The following SCRG1 variants were observed in gnomAD, a reference collection of about 807,000 sequenced individuals.
SCRG1 encodes the protein stimulator of chondrogenesis 1, also known as scrapie-responsive protein 1.
A neutral mutation model predicts 7.7 loss-of-function variants in SCRG1; 3 were observed. The observed-to-expected ratio is 0.39, with a 90% CI of 0.18 to 1.01. The LOEUF (loss-of-function observed/expected upper bound fraction) is 1.01, where lower values mean the gene tolerates loss of function less well. Among genes scored for constraint, SCRG1 ranks in the 50% least tolerant of loss-of-function variants. The pLI is 0.36. For synonymous variants in SCRG1, 46 were observed against 41.2 expected, an observed-to-expected ratio of 1.12 and a Z score of -0.44; for missense variants, 110 against 117.2, an observed-to-expected ratio of 0.94 and a Z score of 0.28.
chr4:173,496,706 T>C, the SCRG1 span, among the ~76,000 whole-genome samples: 1 of 152,232 alleles, frequency 6.6e-6, no homozygotes, highest in South Asian at 2.1e-4. Flanking sequence ...TAGATAATCT[T>C]ATTTAATCCT....
At chr4:173,473,682 A>ACC in the SCRG1 span, among the ~76,000 whole-genome samples, 1 of 152,130 alleles carries the variant, frequency 6.6e-6, no homozygotes, top group African/African-American at 2.4e-5. Context: ...AAATATGCAG[A>ACC]TCTGGCTAGG....
At chr4:173,432,943 C>T in the SCRG1 span, among the ~76,000 whole-genome samples, 1 of 152,148 alleles carries the variant, frequency 6.6e-6, no homozygotes, top group Non-Finnish European at 1.5e-5. Flanking sequence ...CTGAGGATTA[C>T]ATGAGGAATT....
the SCRG1 span, among the ~76,000 whole-genome samples, chr4:173,416,698 G>A: frequency 6.6e-6 from 1 of 152,148 alleles, no homozygotes; most frequent in African/African-American, 2.4e-5. Flanking sequence ...AGCGTCTGGG[G>A]CTATCCCCCG....
chr4:173,459,088 C>T, the SCRG1 span, among the ~76,000 whole-genome samples: 2 of 152,164 alleles, frequency 1.3e-5, no homozygotes. Context: ...TAAATATGCA[C>T]CCAACACAGG....
the SCRG1 span, among the ~76,000 whole-genome samples, chr4:173,492,528 G>A: frequency 2.6e-5 from 4 of 152,114 alleles, no homozygotes; most frequent in African/African-American, 4.8e-5. Context: ...TGTCAGTCAC[G>A]GTTCAATACA....
the SCRG1 span, among the ~76,000 whole-genome samples, chr4:173,518,920 C>T: frequency 2.0e-5 from 3 of 151,566 alleles, no homozygotes; most frequent in African/African-American, 4.8e-5. Context: ...CGGTCCACCC[C>T]GGCTTCCCGA....
the SCRG1 span, among the ~76,000 whole-genome samples, chr4:173,495,470 A>G: frequency 2.6e-5 from 4 of 152,364 alleles, no homozygotes; most frequent in South Asian, 8.3e-4. Flanking sequence ...ACAGATGCAC[A>G]GATGCATATA....
At chr4:173,449,745 T>G in the SCRG1 span, among the ~76,000 whole-genome samples, 3 of 152,230 alleles carry the variant, frequency 2.0e-5, no homozygotes, top group Non-Finnish European at 4.4e-5. Flanking sequence ...TCTCAATAGC[T>G]TCATTCACTG....
chr4:173,408,626 AG>A (rs1560837170), upstream of SCRG1, among the ~76,000 whole-genome samples: 2 of 152,212 alleles, frequency 1.3e-5, no homozygotes, highest in Non-Finnish European at 2.9e-5. Context: ...CTGAGAATGA[AG>A]GGTTTAAGAA....
the SCRG1 span, among the ~76,000 whole-genome samples, chr4:173,462,313 A>C: frequency 6.6e-6 from 1 of 151,964 alleles, no homozygotes; most frequent in East Asian, 1.9e-4. Context: ...CAGCAAAAGA[A>C]AAGAAACAAA....
chr4:173,511,337 TG>T, the SCRG1 span, among the ~76,000 whole-genome samples: 33 of 152,170 alleles, frequency 2.2e-4, no homozygotes, highest in African/African-American at 8.0e-4. The surrounding 1 kb of genome is among the most constrained non-coding windows in gnomAD (Gnocchi z 5.2). Flanking sequence ...CAGGAAGTGG[TG>T]GAGATAGGCC....
chr4:173,423,110 T>C, the SCRG1 span, among the ~76,000 whole-genome samples: 1 of 152,156 alleles, frequency 6.6e-6, no homozygotes, highest in Non-Finnish European at 1.5e-5. Context: ...TGACATTAAA[T>C]TGGTTAAGAA....
chr4:173,494,879 C>G, the SCRG1 span, among the ~76,000 whole-genome samples: 1 of 152,218 alleles, frequency 6.6e-6, no homozygotes, highest in Non-Finnish European at 1.5e-5. Context: ...TCAATTTACG[C>G]ATTGATTGGT....
the SCRG1 span, among the ~76,000 whole-genome samples, chr4:173,464,990 T>C: frequency 1.3e-5 from 2 of 152,142 alleles, no homozygotes; most frequent in East Asian, 1.9e-4. Context: ...AATCCAGTAA[T>C]AAAATGAAAA....
At chr4:173,452,323 C>T in the SCRG1 span, among the ~76,000 whole-genome samples, 2 of 152,072 alleles carry the variant, frequency 1.3e-5, no homozygotes, top group Non-Finnish European at 2.9e-5. Flanking sequence ...TCTTCATCCT[C>T]TTTATTTTCA....
At chr4:173,458,480 A>G in the SCRG1 span, among the ~76,000 whole-genome samples, 3 of 152,222 alleles carry the variant, frequency 2.0e-5, no homozygotes, top group African/African-American at 7.2e-5. Flanking sequence ...AGCTGAAGGA[A>G]TGTGTCACCA....
chr4:173,476,782 C>T, the SCRG1 span, among the ~76,000 whole-genome samples: 1 of 152,006 alleles, frequency 6.6e-6, no homozygotes, highest in Non-Finnish European at 1.5e-5. Context: ...GATTGCACCA[C>T]AGCACTCCAG....
At chr4:173,447,298 G>A in the SCRG1 span, among the ~76,000 whole-genome samples, 2 of 152,110 alleles carry the variant, frequency 1.3e-5, no homozygotes, top group Non-Finnish European at 2.9e-5. Flanking sequence ...ATTTATGAGC[G>A]TTCCACCTCA....
chr4:173,388,596 C>T (rs1036953898), intron 2 of SCRG1, among the ~76,000 whole-genome samples: 4 of 152,126 alleles, frequency 2.6e-5, no homozygotes, highest in Non-Finnish European at 5.9e-5. Context: ...GTCTACTTTC[C>T]CCGCATTTGC....
Sources: allele counts gnomAD v4.1 joint callset (sites outside exome capture counted in the v4.1 genomes callset), GRCh38; gene constraint gnomAD v4.1.1; non-coding constraint Gnocchi (gnomAD v3.1); transcripts MANE v1.5; gene names NCBI Gene and HGNC (gene_info 2026-07-23, HGNC 2026-07-21).